LRRC4C: variants seen among roughly 807,000 people sequenced by gnomAD.
The protein encoded by LRRC4C is leucine rich repeat containing 4C.
In LRRC4C, 5 loss-of-function variants were observed where a neutral mutation model predicts 33.6. The ratio of observed to expected loss-of-function variants is 0.15; its 90% confidence interval spans 0.08 to 0.31. LRRC4C has a LOEUF of 0.31. Ranked by LOEUF, LRRC4C falls within the 10% of genes least tolerant of loss-of-function variation. The pLI, the probability that LRRC4C is intolerant of heterozygous loss-of-function variation, is 1.00. For synonymous variants in LRRC4C, 329 were observed against 302.0 expected (o/e 1.09, Z -0.93); for missense variants, 560 against 796.7 (o/e 0.70, Z 3.58).
chr11:41,417,314 C>G (rs999083446), intron 1 of LRRC4C, among the ~76,000 whole-genome samples: 4 of 151,990 alleles, frequency 2.6e-5, no homozygotes, highest in African/African-American at 9.7e-5. Context: ...CCATAGGGCC[C>G]TGAGAGTGAA....
At chr11:40,560,806 A>G (rs1957518386) in intron 3 of LRRC4C, among the ~76,000 whole-genome samples, 1 of 152,196 alleles carries the variant, frequency 6.6e-6, no homozygotes, top group African/African-American at 2.4e-5. Flanking sequence ...TAAGAGCTTT[A>G]AAGTCACAGA....
chr11:40,468,977 A>C (rs1181698766), intron 3 of LRRC4C, among the ~76,000 whole-genome samples: 2 of 152,338 alleles, frequency 1.3e-5, no homozygotes, highest in East Asian at 3.9e-4. Flanking sequence ...AAAATCTGTA[A>C]AAATCTGCAA....
chr11:40,445,512 T>G (rs7927006), intron 3 of LRRC4C: 58,131 of 155,046 alleles, frequency 0.37, 11,461 homozygotes, highest in East Asian at 0.53. Context: ...CATTCATAGG[T>G]TTTTTCCAAG....
At chr11:40,649,632 C>T (rs1295931230) in intron 2 of LRRC4C, among the ~76,000 whole-genome samples, 1 of 151,888 alleles carries the variant, frequency 6.6e-6, no homozygotes, top group Non-Finnish European at 1.5e-5. Flanking sequence ...ATGAAGATAA[C>T]AGGATTAAGA....
chr11:40,355,953 TGTATAGTATAGTATA>T (rs750933194), intron 3 of LRRC4C, among the ~76,000 whole-genome samples: 1 of 121,488 alleles, frequency 8.2e-6, no homozygotes, highest in Non-Finnish European at 1.8e-5. Flanking sequence ...AGTATAGTAT[TGTATAGTATAGTATA>T]GTATAGTACA....
chr11:40,296,667 A>G (rs1429342431), intron 4 of LRRC4C, among the ~76,000 whole-genome samples: 1 of 152,218 alleles, frequency 6.6e-6, no homozygotes, highest in Admixed American at 6.5e-5. Context: ...GAATTGGAAT[A>G]AGTAGTAAAC....
At chr11:41,393,215 C>A (rs1953672961) in intron 1 of LRRC4C, among the ~76,000 whole-genome samples, 1 of 151,780 alleles carries the variant, frequency 6.6e-6, no homozygotes, top group Non-Finnish European at 1.5e-5. Flanking sequence ...AAATTAATGT[C>A]GCTCATATTG....
At chr11:41,055,278 A>G (rs1858539396) in intron 1 of LRRC4C, among the ~76,000 whole-genome samples, 1 of 152,062 alleles carries the variant, frequency 6.6e-6, no homozygotes, top group South Asian at 2.1e-4. Context: ...CCATTTCTCT[A>G]TATTATGCCA....
chr11:40,610,196 A>G (rs4347379), intron 3 of LRRC4C, among the ~76,000 whole-genome samples: 151,455 of 152,006 alleles, frequency 1, 75,456 homozygotes, highest in Middle Eastern at 1. Context: ...CCAAGTGGGA[A>G]TTTTCTCCTG....
chr11:40,798,497 T>C (rs1277148160), intron 2 of LRRC4C, among the ~76,000 whole-genome samples: 1 of 152,184 alleles, frequency 6.6e-6, no homozygotes, highest in Non-Finnish European at 1.5e-5. Context: ...TTTCTCCATT[T>C]ATGTTGCCTA....
chr11:40,351,485 G>A (rs531830022), intron 3 of LRRC4C: 2 of 151,978 alleles, frequency 1.3e-5, no homozygotes, highest in Non-Finnish European at 2.9e-5. Context: ...CTGTCCAATA[G>A]CTGAAAGTGG....
intron 3 of LRRC4C, among the ~76,000 whole-genome samples, chr11:40,504,012 C>T (rs1002177007): frequency 6.6e-6 from 1 of 152,022 alleles, no homozygotes; most frequent in Non-Finnish European, 1.5e-5. Context: ...CCCCAGTAAC[C>T]CTCTCCAAAG....
chr11:41,059,609 G>A (rs1361700953), intron 1 of LRRC4C, among the ~76,000 whole-genome samples: 1 of 151,950 alleles, frequency 6.6e-6, no homozygotes. Flanking sequence ...ACCTTTTAGA[G>A]TCTTTACAGA....
At chr11:40,460,673 G>A (rs1952351062) in intron 3 of LRRC4C, among the ~76,000 whole-genome samples, 1 of 152,158 alleles carries the variant, frequency 6.6e-6, no homozygotes, top group Non-Finnish European at 1.5e-5. Flanking sequence ...TGAAGGATGT[G>A]ATAAAATAAA....
At chr11:41,019,583 G>A (rs1855817755) in intron 1 of LRRC4C, among the ~76,000 whole-genome samples, 1 of 152,054 alleles carries the variant, frequency 6.6e-6, no homozygotes, top group Non-Finnish European at 1.5e-5. Context: ...CTAGATCCTT[G>A]AGGAATCACC....
At chr11:41,343,016 C>CT (rs757861015) in intron 1 of LRRC4C, among the ~76,000 whole-genome samples, 28 of 152,308 alleles carry the variant, frequency 1.8e-4, no homozygotes, top group Admixed American at 5.2e-4. Context: ...CTACCTTTGT[C>CT]TTCAAATTGC....
chr11:40,885,047 T>G (rs2136055639), intron 2 of LRRC4C, among the ~76,000 whole-genome samples: 1 of 152,042 alleles, frequency 6.6e-6, no homozygotes, highest in South Asian at 2.1e-4. Flanking sequence ...ACTATTTGGG[T>G]TCTGGTTACA....
rs143559504 is a variant in LRRC4C, at chr11:41,196,638, T to G, written c.-496+262793A>C. 2.3e-3 allele frequency among the ~76,000 whole-genome samples: 350 copies of G among 152,134 alleles called. 1 individual carries two copies. The highest frequency in any genetic ancestry group is 8.0e-3 in the African/African-American group (332 of 41,546). Reference sequence around the variant, plus strand: ...TGTATACATAAAATGCAAGAATGAATAGATGGATAACTGGATGGACAGCTG... The same window carrying G: ...TGTATACATAAAATGCAAGAATGAAGAGATGGATAACTGGATGGACAGCTG... On this transcript the variant is annotated intron_variant, in intron 1 of 6. Coordinates refer to ENST00000528697, the MANE Select transcript of LRRC4C (RefSeq NM_001258419.2).
At chr11:40,610,438 G>A (rs966223624) in intron 3 of LRRC4C, among the ~76,000 whole-genome samples, 3 of 151,692 alleles carry the variant, frequency 2.0e-5, no homozygotes, top group East Asian at 3.9e-4. Context: ...GTGAAAGAAG[G>A]AAAGCTTTTC....
Sources: allele counts gnomAD v4.1 joint callset (sites outside exome capture counted in the v4.1 genomes callset), GRCh38; gene constraint gnomAD v4.1.1; transcripts MANE v1.5; gene names NCBI Gene and HGNC (gene_info 2026-07-23, HGNC 2026-07-21).